KAT6A: variants seen among roughly 807,000 people sequenced by gnomAD.
The protein encoded by KAT6A is histone acetyltransferase KAT6A.
A neutral mutation model predicts 198.4 loss-of-function variants in KAT6A; 9 were observed. That is an observed-to-expected ratio of 0.05 (90% CI 0.03 to 0.08). The LOEUF (loss-of-function observed/expected upper bound fraction) is 0.08, where lower values mean the gene tolerates loss of function less well. Ranked by LOEUF, KAT6A falls within the 10% of genes least tolerant of loss-of-function variation. The pLI is 1.00. For missense variants in KAT6A, 2,077 were observed against 2,509.9 expected (o/e 0.83, Z 3.69); for synonymous variants, 890 against 883.0 (o/e 1.01, Z -0.14).
At position 41,957,003 on chromosome 8, in the gene KAT6A, C is replaced by T. The variant is rs932639978; in HGVS notation, c.1483-1592G>A. ...AATACCAGAAACCAGATCTAACTTC[C>T]TGAGGCAAGGATCAGATAGAAAGCC... is the stretch of plus-strand genomic sequence containing the variant. On this transcript the variant is annotated intron_variant, in intron 8 of 16. Coordinates refer to ENST00000265713, the MANE Select transcript of KAT6A (RefSeq NM_006766.5). The T allele has an allele frequency of 5.7e-6, 3 of 529,152 alleles. No individual in the cohort carries two copies. The African/African-American group carries it at 5.7e-5, about 10-fold the overall frequency. The allele number at this position is 529,152 out of a possible 1,614,324, so 32.8% of individuals were successfully genotyped here.
rs145423951 is a variant in KAT6A, at chr8:42,000,379, C to T, written c.601-12816G>A. Among the ~76,000 whole-genome samples, 252 of 152,058 alleles carry T rather than the reference C, an allele frequency of 1.7e-3. 1 individual carries two copies. The highest frequency in any genetic ancestry group is 2.5e-3 in the Non-Finnish European group (167 of 67,986). ...CTGCCTGGCCAACCTGGTGAAGCCT[C>T]GTCTCTACCAAAAATACAAAAATTA... On this transcript the variant is annotated intron_variant, in intron 2 of 16. Transcript: ENST00000265713.
intron 8 of KAT6A, 113 bp downstream of exon 8, chr8:41,974,591 T>G (rs1005569217): frequency 3.0e-6 from 2 of 660,196 alleles, no homozygotes; most frequent in African/African-American, 3.6e-5. Context: ...AAACCACAAC[T>G]ATTCTGAGAT....
At position 42,044,424 on chromosome 8, in the gene KAT6A, C is replaced by T. The variant is rs145651298; in HGVS notation, c.600+3954G>A. Among the ~76,000 whole-genome samples, 341 of 152,002 alleles carry T rather than the reference C, an allele frequency of 2.2e-3. 1 individual carries two copies. Among genetic ancestry groups the T allele is most frequent in the African/African-American group, 8.0e-3 (330 of 41,476 alleles). On this transcript the variant is annotated intron_variant, in intron 2 of 16. Coordinates refer to ENST00000265713, the MANE Select transcript of KAT6A (RefSeq NM_006766.5). ...CCTAAAAACTTTTAATCACAGTATCCCATGGATTCTCCTCAGTACTTATCA... is the reference window on the plus strand; with the variant it reads ...CCTAAAAACTTTTAATCACAGTATCTCATGGATTCTCCTCAGTACTTATCA...
At chr8:41,955,021 C>CT (rs926219665) in intron 9 of KAT6A, among the ~76,000 whole-genome samples, 41 of 136,570 alleles carry the variant, frequency 3.0e-4, no homozygotes, top group African/African-American at 9.3e-4. Flanking sequence ...ACAAATTTCT[C>CT]TTAAAAAAAA....
chr8:42,014,239 A>G (rs1826160074), intron 2 of KAT6A, among the ~76,000 whole-genome samples: 1 of 152,210 alleles, frequency 6.6e-6, no homozygotes, highest in South Asian at 2.1e-4. Context: ...GATGTGTGAG[A>G]AAAGAGATGC....
At chr8:41,989,746 C>T (rs531459084) in intron 2 of KAT6A, among the ~76,000 whole-genome samples, 2 of 151,934 alleles carry the variant, frequency 1.3e-5, no homozygotes, top group African/African-American at 4.8e-5. Flanking sequence ...AGTTTTCTCA[C>T]GGAGAAAGGT....
In KAT6A at chr8:41,978,622, T is replaced by C. The variant is rs1452619726; in HGVS notation, c.1043+20A>G. 6.2e-7 allele frequency: 1 copy of C among 1,612,796 alleles called. No individual in the cohort carries two copies. Among genetic ancestry groups the C allele is most frequent in the Admixed American group, 1.7e-5 (1 of 59,756 alleles). On this transcript the variant is annotated intron_variant, in intron 6 of 16. Coordinates refer to ENST00000265713, the MANE Select transcript of KAT6A (RefSeq NM_006766.5). Reference sequence around the variant, plus strand: ...GACCCTATCCTTTTCTCCCCTCACCTTGCCACAAGTACAACTTACACCGTG... The same window carrying C: ...GACCCTATCCTTTTCTCCCCTCACCCTGCCACAAGTACAACTTACACCGTG...
chr8:42,041,770 A>C (rs1827680253), intron 2 of KAT6A, among the ~76,000 whole-genome samples: 1 of 152,160 alleles, frequency 6.6e-6, no homozygotes, highest in African/African-American at 2.4e-5. Flanking sequence ...GCATGTCATA[A>C]AAAATGTTTA....
chr8:42,019,136 T>G (rs928650072), intron 2 of KAT6A, among the ~76,000 whole-genome samples: 5 of 152,184 alleles, frequency 3.3e-5, no homozygotes, highest in African/African-American at 1.2e-4. Context: ...AAATAAGGGT[T>G]TGAATTTAAA....
intron 2 of KAT6A, among the ~76,000 whole-genome samples, chr8:41,990,034 A>G (rs1285772599): frequency 6.6e-6 from 1 of 152,092 alleles, no homozygotes; most frequent in Non-Finnish European, 1.5e-5. Flanking sequence ...GACTTTATCC[A>G]GCAGTAAAAA....
At chr8:41,986,469 G>A (rs1197417757) in intron 3 of KAT6A, among the ~76,000 whole-genome samples, 12 of 152,020 alleles carry the variant, frequency 7.9e-5, no homozygotes, top group Admixed American at 2.0e-4. Context: ...ACGAAGTAGC[G>A]ATTATTAAAG....
At chr8:42,006,466 A>G (rs1002909162) in intron 2 of KAT6A, among the ~76,000 whole-genome samples, 1 of 152,198 alleles carries the variant, frequency 6.6e-6, no homozygotes, top group Non-Finnish European at 1.5e-5. Flanking sequence ...GCTTGGGACA[A>G]GAAGTGTTTC....
At chr8:41,995,366 T>C (rs1050743800) in intron 2 of KAT6A, among the ~76,000 whole-genome samples, 1 of 152,170 alleles carries the variant, frequency 6.6e-6, no homozygotes, top group Non-Finnish European at 1.5e-5. Flanking sequence ...AGGGCACCAA[T>C]ATTGTGTACC....
chr8:41,985,258 TTAAC>T (rs1484308859), intron 3 of KAT6A, among the ~76,000 whole-genome samples: 2 of 152,228 alleles, frequency 1.3e-5, no homozygotes, highest in Admixed American at 6.5e-5. Flanking sequence ...CGGTTTATAT[TTAAC>T]TATGAAATCC....
intron 2 of KAT6A, among the ~76,000 whole-genome samples, chr8:42,015,994 T>C (rs1826254286): frequency 6.6e-6 from 1 of 152,212 alleles, no homozygotes; most frequent in South Asian, 2.1e-4. Context: ...GCAAAGACTC[T>C]TAACTCCCAT....
intron 2 of KAT6A, among the ~76,000 whole-genome samples, chr8:42,011,120 G>A (rs1826000040): frequency 1.3e-5 from 2 of 152,032 alleles, no homozygotes; most frequent in African/African-American, 4.8e-5. Context: ...TTACTCAAGG[G>A]CTTCAGTCAC....
In KAT6A at chr8:41,942,863, T is replaced by C. The variant is rs1017972143; in HGVS notation, c.2366A>G (p.Glu789Gly). 1.3e-5 allele frequency: 21 copies of C among 1,614,172 alleles called. No homozygotes were observed. Among genetic ancestry groups the C allele is most frequent in the Non-Finnish European group, 1.5e-5 (18 of 1,180,026 alleles). The change falls in exon 14 of 17, where the codon GAG (glutamate) becomes GGG (glycine). Residue 789 changes from glutamate to glycine, a missense_variant. By Grantham distance (98) the Glu-to-Gly change is moderately conservative. Coordinates refer to ENST00000265713, the MANE Select transcript of KAT6A (RefSeq NM_006766.5). The stretch of plus-strand genomic sequence containing the variant: ...TCCTTCCTCAGCCTCCTCTTCTTCC[T>C]CCTCTGAGACCACAGAGTTGGACAC... ...VIVSNSVVSEEEEEEAEEGEN... is the reference protein window; with the variant it reads ...VIVSNSVVSEGEEEEAEEGEN...
At chr8:41,950,631 AAATTTT>A (rs1447718661) in intron 9 of KAT6A, among the ~76,000 whole-genome samples, 166 of 152,324 alleles carry the variant, frequency 1.1e-3, no homozygotes, top group African/African-American at 2.1e-3. Flanking sequence ...GAAACCTAAA[AAATTTT>A]GTGCTTTTTA....
chr8:42,007,930 C>A lies in KAT6A; in HGVS notation c.601-20367G>T, dbSNP rs1825824759. Among the ~76,000 whole-genome samples, 3 of 140,330 alleles carry A rather than the reference C, an allele frequency of 2.1e-5. No homozygotes were observed. The Admixed American group carries it at 2.2e-4, about 10-fold the overall frequency. The allele number at this position is 140,330 out of a possible 152,430, so 92.1% of individuals were successfully genotyped here. A position where few individuals can be genotyped will look rare whatever the true frequency, so the allele number is the denominator to read the frequency against. ...TGAGCTGAGATCGTGCCACTGTACTCCAGCCTGGGCGACAGAGCGAGACTC... is the reference window on the plus strand; with the variant it reads ...TGAGCTGAGATCGTGCCACTGTACTACAGCCTGGGCGACAGAGCGAGACTC... On this transcript the variant is annotated intron_variant, in intron 2 of 16. Coordinates refer to ENST00000265713, the MANE Select transcript of KAT6A (RefSeq NM_006766.5).
Sources: gnomAD v4.1 joint callset for allele counts (sites outside exome capture counted in the v4.1 genomes callset) on GRCh38, gnomAD v4.1.1 for gene constraint, MANE v1.5 for transcripts, NCBI Gene and HGNC (gene_info 2026-07-23, HGNC 2026-07-21) for gene names.